The following LIPI variants were observed in gnomAD, a reference collection of about 807,000 sequenced individuals.
LIPI encodes the protein lipase member I.
In LIPI, 59 loss-of-function variants were observed where a neutral mutation model predicts 50.6. The ratio of observed to expected loss-of-function variants is 1.16; its 90% CI spans 0.94 to 1.45. LIPI has a LOEUF of 1.45. Among genes scored for constraint, LIPI ranks in the 40% most tolerant of loss-of-function variants. LIPI has a pLI of 0.00. For missense variants in LIPI, 586 were observed against 536.3 expected (o/e 1.09, Z -0.92); for synonymous variants, 203 against 178.2 (o/e 1.14, Z -1.11).
chr21:14,166,161 A>G (rs1351399801), intron 5 of LIPI, among the ~76,000 whole-genome samples: 1 of 152,232 alleles, frequency 6.6e-6, no homozygotes, highest in Admixed American at 6.5e-5. Context: ...GGTCTCATCC[A>G]TGACCTAATG....
chr21:14,202,586 G>A (rs949548713), intron 1 of LIPI, among the ~76,000 whole-genome samples: 1 of 152,080 alleles, frequency 6.6e-6, no homozygotes, highest in African/African-American at 2.4e-5. Flanking sequence ...ATGGGGAAAG[G>A]ATTCCCTATT....
chr21:14,128,767 G>C (rs535656192), intron 9 of LIPI, among the ~76,000 whole-genome samples: 2 of 151,978 alleles, frequency 1.3e-5, no homozygotes, highest in Admixed American at 1.3e-4. Context: ...AATTCACTTT[G>C]GGGCAGATAA....
intron 8 of LIPI, among the ~76,000 whole-genome samples, chr21:14,152,158 C>T (rs369430709): frequency 1.1e-4 from 16 of 151,520 alleles, no homozygotes; most frequent in East Asian, 3.9e-4. Context: ...TGGAGGGCAG[C>T]GGTGCAATCT....
intron 9 of LIPI, among the ~76,000 whole-genome samples, chr21:14,129,296 A>G (rs1167991710): frequency 6.6e-6 from 1 of 152,108 alleles, no homozygotes; most frequent in Non-Finnish European, 1.5e-5. Flanking sequence ...GAATGGCGAG[A>G]CAAATATAGA....
At chr21:14,150,614 C>T (rs1320330914) in intron 8 of LIPI, among the ~76,000 whole-genome samples, 7 of 152,034 alleles carry the variant, frequency 4.6e-5, no homozygotes, top group African/African-American at 1.2e-4. Context: ...GCCAAAAATC[C>T]TGTTTTTGAT....
chr21:14,193,144 G>C (rs918740239), intron 1 of LIPI, among the ~76,000 whole-genome samples: 31 of 151,980 alleles, frequency 2.0e-4, no homozygotes, highest in African/African-American at 6.5e-4. Flanking sequence ...TTTTGTTATG[G>C]TATTGGAGTT....
At chr21:14,210,151 ACT>A (rs1399024468) in intron 1 of LIPI, among the ~76,000 whole-genome samples, 1 of 152,182 alleles carries the variant, frequency 6.6e-6, no homozygotes, top group African/African-American at 2.4e-5. Context: ...TAAATTTGCC[ACT>A]GTTATTACCA....
chr21:14,126,671 A>G (rs1358496509), intron 9 of LIPI, among the ~76,000 whole-genome samples: 1 of 152,224 alleles, frequency 6.6e-6, no homozygotes, highest in Non-Finnish European at 1.5e-5. Flanking sequence ...ATAAGGTTTA[A>G]GAGAGGATAT....
intron 1 of LIPI, chr21:14,206,894 C>T: frequency 6.2e-7 from 1 of 1,611,930 alleles, no homozygotes; most frequent in Non-Finnish European, 8.5e-7. Flanking sequence ...ATTTTTGGCA[C>T]AAGTTATTAT....
At chr21:14,142,497 T>C (rs905987625) in intron 9 of LIPI, among the ~76,000 whole-genome samples, 1 of 150,156 alleles carries the variant, frequency 6.7e-6, no homozygotes, top group African/African-American at 2.4e-5. Context: ...TTTGTTGTTG[T>C]TGTTGAGACA....
intron 4 of LIPI, among the ~76,000 whole-genome samples, chr21:14,176,667 G>A (rs2019107295): frequency 7.9e-6 from 1 of 126,168 alleles, no homozygotes; most frequent in African/African-American, 3.1e-5. Context: ...ACTTTGAAAT[G>A]TTTGAGAATA....
chr21:14,160,104 T>G (rs1224517944), intron 7 of LIPI, among the ~76,000 whole-genome samples: 1 of 151,336 alleles, frequency 6.6e-6, no homozygotes, highest in Non-Finnish European at 1.5e-5. Context: ...CTCAGACAAA[T>G]TTTTGCAAAT....
intron 4 of LIPI, among the ~76,000 whole-genome samples, chr21:14,178,530 C>G (rs1316579791): frequency 6.6e-6 from 1 of 152,100 alleles, no homozygotes; most frequent in Non-Finnish European, 1.5e-5. Flanking sequence ...AGGGTAAGAA[C>G]TTTCATTATT....
In LIPI at chr21:14,186,072, G is replaced by A. The variant is rs2019446380; in HGVS notation, c.433-3C>T. 6 of 1,508,876 alleles carry A rather than the reference G, an allele frequency of 4.0e-6. No individual in the cohort carries two copies. Among genetic ancestry groups the A allele is most frequent in the Non-Finnish European group, 3.7e-6 (4 of 1,084,642 alleles). 93.5% of individuals were successfully genotyped at this position (1,508,876 alleles called of 1,614,324 possible). ...TTGTCAAGAGATGCACCATGCTTCTGCAATTAAAGAGAAAGGCAATATTAC... is the reference window on the plus strand; with the variant it reads ...TTGTCAAGAGATGCACCATGCTTCTACAATTAAAGAGAAAGGCAATATTAC... On this transcript the variant is annotated splice_polypyrimidine_tract_variant and splice_region_variant and intron_variant, in intron 2 of 9. Transcript: ENST00000681601.
In LIPI at chr21:14,209,642, C is replaced by A. The variant is rs527751044; in HGVS notation, c.46+1158G>T. On this transcript the variant is annotated intron_variant, in intron 1 of 9. Transcript: ENST00000681601. ...ACAAGAATTAGCAGACAGAAACATACAAAGCAATTATGTTTGAATTTTCCC... is the reference window on the plus strand; with the variant it reads ...ACAAGAATTAGCAGACAGAAACATAAAAAGCAATTATGTTTGAATTTTCCC... Among the ~76,000 whole-genome samples, 5 of 152,128 alleles carry A rather than the reference C, an allele frequency of 3.3e-5. No individual in the cohort carries two copies. In the East Asian group the frequency reaches 9.6e-4, roughly 29 times the overall value.
intron 9 of LIPI, among the ~76,000 whole-genome samples, chr21:14,133,879 A>G (rs533607547): frequency 6.6e-6 from 1 of 152,316 alleles, no homozygotes; most frequent in African/African-American, 2.4e-5. Flanking sequence ...TCATTTTGCA[A>G]TGCTACAACA....
At chr21:14,172,772 C>T (rs1342251327) in intron 4 of LIPI, among the ~76,000 whole-genome samples, 9 of 151,670 alleles carry the variant, frequency 5.9e-5, no homozygotes, top group East Asian at 3.9e-4. Context: ...TGCTAAATGA[C>T]GAGTTAATGG....
intron 3 of LIPI, among the ~76,000 whole-genome samples, chr21:14,183,228 G>A (rs1420207338): frequency 6.6e-6 from 1 of 152,016 alleles, no homozygotes; most frequent in Admixed American, 6.6e-5. Flanking sequence ...ATGGGGAAAG[G>A]ATTCCCTATT....
At chr21:14,201,680 G>A (rs530533942) in intron 1 of LIPI, among the ~76,000 whole-genome samples, 449 of 152,122 alleles carry the variant, frequency 3.0e-3, no homozygotes, top group Middle Eastern at 0.01. Context: ...TTGATGGGAC[G>A]TATCTCAAAA....
Sources: allele counts gnomAD v4.1 joint callset (sites outside exome capture counted in the v4.1 genomes callset), GRCh38; gene constraint gnomAD v4.1.1; transcripts MANE v1.5; gene names NCBI Gene and HGNC (gene_info 2026-07-23, HGNC 2026-07-21).